Variants in NTM observed in about 807,000 individuals in gnomAD.
NTM encodes IgLON family member 2.
A neutral mutation model predicts 42.1 loss-of-function variants in NTM; 13 were observed. That is an observed-to-expected ratio of 0.31 (90% CI 0.20 to 0.49). The LOEUF (loss-of-function observed/expected upper bound fraction) is 0.49, where lower values mean the gene tolerates loss of function less well. NTM is among the 20% of genes least tolerant of loss of function. The probability of loss-of-function intolerance (pLI) is 0.99; values close to 1 mark genes in which losing one functional copy is unlikely to be tolerated. For missense variants in NTM, 373 were observed against 452.8 expected (o/e 0.82, Z 1.60); for synonymous variants, 187 against 179.2 (o/e 1.04, Z -0.35).
intron 2 of NTM, among the ~76,000 whole-genome samples, chr11:131,938,105 C>T (rs2059417931): frequency 6.6e-6 from 1 of 152,218 alleles, no homozygotes; most frequent in Admixed American, 6.5e-5. Flanking sequence ...TCAGGGTACA[C>T]AGGTCACCCA....
intron 2 of NTM, among the ~76,000 whole-genome samples, chr11:131,917,558 G>A (rs1192111502): frequency 6.6e-6 from 1 of 152,200 alleles, no homozygotes; most frequent in Non-Finnish European, 1.5e-5. Context: ...TCAACTCCAG[G>A]GAAATTAGCA....
intron 2 of NTM, among the ~76,000 whole-genome samples, chr11:131,918,821 C>A (rs992762831): frequency 6.6e-6 from 1 of 152,230 alleles, no homozygotes. Context: ...ACACAGGGAC[C>A]CAACCGACCT....
chr11:131,967,378 A>G (rs1445399115), intron 2 of NTM, among the ~76,000 whole-genome samples: 1 of 152,186 alleles, frequency 6.6e-6, no homozygotes, highest in Non-Finnish European at 1.5e-5. Context: ...TTTGGAGGAT[A>G]GGCATATCAC....
chr11:131,626,851 A>G (rs553013437), intron 1 of NTM, among the ~76,000 whole-genome samples: 10 of 152,312 alleles, frequency 6.6e-5, no homozygotes, highest in Admixed American at 4.6e-4. Context: ...TGAATGAGTA[A>G]AGAAAAAGAG....
chr11:132,119,721 A>T (rs1012805052), intron 2 of NTM, among the ~76,000 whole-genome samples: 39 of 152,342 alleles, frequency 2.6e-4, no homozygotes, highest in Non-Finnish European at 4.0e-4. Context: ...CCAAAGAGCC[A>T]TATCTGATGG....
intron 1 of NTM, among the ~76,000 whole-genome samples, chr11:131,528,977 C>T (rs939351806): frequency 5.9e-5 from 9 of 152,212 alleles, no homozygotes; most frequent in Non-Finnish European, 1.2e-4. Context: ...GTGCCTAGCC[C>T]AGTGCCTAGA....
At chr11:132,271,732 T>A (rs967882957) in intron 4 of NTM, among the ~76,000 whole-genome samples, 1 of 144,522 alleles carries the variant, frequency 6.9e-6, no homozygotes, top group African/African-American at 2.5e-5. Flanking sequence ...CATTTTTAAT[T>A]GGGTTGTCTT....
intron 1 of NTM, chr11:131,540,409 T>A (rs1052351244): frequency 6.6e-6 from 1 of 152,170 alleles, no homozygotes; most frequent in South Asian, 2.1e-4. Context: ...TCATGATTCA[T>A]CTGCCTCGGC....
chr11:132,146,864 C>T lies in NTM; in HGVS notation c.400+350C>T. ...TTTGTTTTTTAGATTTCATCCAATT[C>T]CAAGACTGTGTTATGTTTAAAACCA... On this transcript the variant is annotated intron_variant, in intron 3 of 8. Transcript: ENST00000683400. The surrounding 1 kb of genome is among the most constrained non-coding windows in gnomAD (Gnocchi z 4.5). 3.5e-6 allele frequency: 1 copy of T among 289,842 alleles called. No homozygotes were observed. The highest frequency in any genetic ancestry group is 6.5e-6 in the Non-Finnish European group (1 of 155,016). 18.0% of individuals were successfully genotyped at this position (289,842 alleles called of 1,614,324 possible).
At chr11:132,303,542 G>T (rs975197035) in intron 4 of NTM, among the ~76,000 whole-genome samples, 4 of 152,138 alleles carry the variant, frequency 2.6e-5, no homozygotes, top group African/African-American at 7.2e-5. Flanking sequence ...CCTTTGTAAA[G>T]ACCTTTTTCC....
At chr11:131,616,899 A>T (rs966290754) in intron 1 of NTM, among the ~76,000 whole-genome samples, 1 of 151,642 alleles carries the variant, frequency 6.6e-6, no homozygotes, top group African/African-American at 2.4e-5. Context: ...TCTCTGCTTT[A>T]TGGCAAATGG....
At chr11:132,154,158 T>C (rs2137481496) in intron 3 of NTM, among the ~76,000 whole-genome samples, 1 of 152,284 alleles carries the variant, frequency 6.6e-6, no homozygotes, top group South Asian at 2.1e-4. Flanking sequence ...TGCATCTCAG[T>C]TTCAGGTGGA....
At chr11:131,940,029 C>T (rs556500100) in intron 2 of NTM, among the ~76,000 whole-genome samples, 1 of 152,338 alleles carries the variant, frequency 6.6e-6, no homozygotes, top group East Asian at 1.9e-4. Context: ...GAGGTTCAAG[C>T]TGAACCCAGA....
intron 1 of NTM, among the ~76,000 whole-genome samples, chr11:131,716,930 T>C (rs957624810): frequency 4.6e-5 from 7 of 152,172 alleles, no homozygotes. Flanking sequence ...AGCCTTTACC[T>C]CTTGGGCTTA....
chr11:131,377,965 T>A (rs140666450), intron 1 of NTM, among the ~76,000 whole-genome samples: 64 of 152,344 alleles, frequency 4.2e-4, no homozygotes, highest in African/African-American at 1.4e-3. Context: ...CAACTTGATC[T>A]CAGAAGTCAG....
At chr11:131,920,339 G>C (rs1169502900) in intron 2 of NTM, among the ~76,000 whole-genome samples, 1 of 152,190 alleles carries the variant, frequency 6.6e-6, no homozygotes, top group Non-Finnish European at 1.5e-5. Flanking sequence ...TTGGGAGGCA[G>C]GCTCAGGGCT....
At chr11:132,251,184 T>A (rs2091901495) in intron 4 of NTM, among the ~76,000 whole-genome samples, 1 of 152,212 alleles carries the variant, frequency 6.6e-6, no homozygotes. Context: ...CTCCACTTAT[T>A]GTACAGAGCT....
chr11:132,190,409 T>C (rs1344046011), intron 3 of NTM, among the ~76,000 whole-genome samples: 2 of 152,068 alleles, frequency 1.3e-5, no homozygotes, highest in Non-Finnish European at 2.9e-5. Context: ...AAAGAAACTA[T>C]AAAGGCCTGA....
chr11:132,289,728 TAG>T (rs992051999), intron 4 of NTM, among the ~76,000 whole-genome samples: 5 of 152,194 alleles, frequency 3.3e-5, no homozygotes, highest in African/African-American at 1.2e-4. Context: ...AGTATTTTTT[TAG>T]AGTTTTAGAT....
Sources: gnomAD v4.1 joint callset for allele counts (sites outside exome capture counted in the v4.1 genomes callset) on GRCh38, gnomAD v4.1.1 for gene constraint, Gnocchi (gnomAD v3.1) non-coding constraint, MANE v1.5 for transcripts, NCBI Gene and HGNC (gene_info 2026-07-23, HGNC 2026-07-21) for gene names.